The following NCKAP5 variants were observed in gnomAD, a reference collection of about 807,000 sequenced individuals.
NCKAP5 encodes nck-associated protein 5.
Under a neutral mutation model 167.0 loss-of-function variants are expected in NCKAP5, and 92 were observed. The observed-to-expected ratio is 0.55, with a 90% CI of 0.47 to 0.66. NCKAP5 has a LOEUF of 0.66. Among genes scored for constraint, NCKAP5 ranks in the 30% least tolerant of loss-of-function variants. NCKAP5 has a pLI of 0.00. For missense variants in NCKAP5, 2,378 were observed against 2,315.0 expected (o/e 1.03, Z -0.56); for synonymous variants, 891 against 877.4 (o/e 1.02, Z -0.27).
chr2:132,969,061 GGA>G (rs1174976138), intron 7 of NCKAP5, among the ~76,000 whole-genome samples: 1 of 152,060 alleles, frequency 6.6e-6, no homozygotes, highest in East Asian at 1.9e-4. Context: ...ATTTTGAGAT[GGA>G]GTCTCCCTCT....
chr2:132,856,945 A>G (rs1689520448), intron 11 of NCKAP5, among the ~76,000 whole-genome samples: 1 of 152,222 alleles, frequency 6.6e-6, no homozygotes, highest in Non-Finnish European at 1.5e-5. Flanking sequence ...TACCTGCTAC[A>G]GGACTTAGCC....
At chr2:132,843,362 T>C (rs1470962422) in intron 11 of NCKAP5, among the ~76,000 whole-genome samples, 1 of 152,158 alleles carries the variant, frequency 6.6e-6, no homozygotes, top group East Asian at 1.9e-4. Context: ...GCTTTGTATG[T>C]TTAACTGCTT....
rs1310820556 is a variant in NCKAP5 at position 132,799,490 on chromosome 2, A to G, written c.808-2761T>C. ...GTAAGTGTAAATTTTCAGAAAAAAG[A>G]AAGACAGAAGTGGCTATTTAATCTA... On this transcript the variant is annotated intron_variant, in intron 11 of 19. Coordinates refer to ENST00000409261, the MANE Select transcript of NCKAP5 (RefSeq NM_207363.3). Among the ~76,000 whole-genome samples the G allele has an allele frequency of 2.6e-5, 4 of 152,220 alleles. No homozygotes were observed. In the South Asian group the frequency reaches 8.3e-4, roughly 31 times the overall value.
chr2:133,366,068 G>A (rs1685438914), intron 3 of NCKAP5, among the ~76,000 whole-genome samples: 1 of 152,146 alleles, frequency 6.6e-6, no homozygotes, highest in Non-Finnish European at 1.5e-5. Flanking sequence ...GGGAAAAATT[G>A]ATGGTTTGTC....
rs183241013 is a variant in NCKAP5 at position 133,168,154 on chromosome 2, A to C, written c.208-38043T>G. On this transcript the variant is annotated intron_variant, in intron 5 of 19. Coordinates refer to ENST00000409261, the MANE Select transcript of NCKAP5 (RefSeq NM_207363.3). ...GGAATGTGTTCAAAGTCACAATGCC[A>C]GAGCTGGGATTCCAACTCAGACAGC... Among the ~76,000 whole-genome samples the C allele has an allele frequency of 2.8e-3, 427 of 152,328 alleles. 3 individuals are homozygous for C. Among genetic ancestry groups the C allele is most frequent in the Non-Finnish European group, 3.5e-3 (240 of 68,024 alleles).
chr2:133,005,728 C>T (rs900398594), intron 6 of NCKAP5, among the ~76,000 whole-genome samples: 3 of 152,156 alleles, frequency 2.0e-5, no homozygotes, highest in Non-Finnish European at 4.4e-5. Context: ...TTGAAGACAA[C>T]AGATGGCTGA....
chr2:133,388,276 T>C (rs1687142290), intron 3 of NCKAP5, among the ~76,000 whole-genome samples: 4 of 152,246 alleles, frequency 2.6e-5, no homozygotes, highest in Admixed American at 2.0e-4. Flanking sequence ...GACCCTCAGC[T>C]GCAGGTCTGT....
intron 3 of NCKAP5, among the ~76,000 whole-genome samples, chr2:133,331,011 ATTC>A (rs1480667866): frequency 4.6e-5 from 7 of 152,338 alleles, no homozygotes; most frequent in East Asian, 1.9e-4. Context: ...TGCTATTATT[ATTC>A]TTATTTCACA....
At chr2:133,340,338 G>A (rs1683489477) in intron 3 of NCKAP5, among the ~76,000 whole-genome samples, 1 of 152,160 alleles carries the variant, frequency 6.6e-6, no homozygotes, top group South Asian at 2.1e-4. Context: ...AGAATGTGCA[G>A]AGAACTAATC....
chr2:132,741,812 T>C (rs1484581962), intron 16 of NCKAP5, among the ~76,000 whole-genome samples: 1 of 152,140 alleles, frequency 6.6e-6, no homozygotes, highest in Non-Finnish European at 1.5e-5. Context: ...ACTGTTATCC[T>C]TGCCCATTCT....
intron 6 of NCKAP5, among the ~76,000 whole-genome samples, chr2:133,073,929 T>C (rs1573950069): frequency 6.6e-6 from 1 of 152,188 alleles, no homozygotes; most frequent in Admixed American, 6.5e-5. Context: ...CTGAGGCAAA[T>C]GGCTGCAACT....
In NCKAP5 at chr2:133,300,428, C is replaced by G. The variant is rs1190780577; in HGVS notation, c.143+2609G>C. ...AGCAGCACATCAAAAAGCTTATCCACCATGATCAAGTGGGCTTCATCCCTG... is the reference window on the plus strand; with the variant it reads ...AGCAGCACATCAAAAAGCTTATCCAGCATGATCAAGTGGGCTTCATCCCTG... On this transcript the variant is annotated intron_variant, in intron 4 of 19. Coordinates refer to ENST00000409261, the MANE Select transcript of NCKAP5 (RefSeq NM_207363.3). Among the ~76,000 whole-genome samples, 4 of 107,350 alleles carry G rather than the reference C, an allele frequency of 3.7e-5. 1 individual carries two copies. Among genetic ancestry groups the G allele is most frequent in the Admixed American group, 2.6e-4 (3 of 11,384 alleles). The allele number at this position is 107,350 out of a possible 152,430, so 70.4% of individuals were successfully genotyped here. A position where few individuals can be genotyped will look rare whatever the true frequency, so the allele number is the denominator to read the frequency against.
chr2:132,849,100 G>A (rs1433051086), intron 11 of NCKAP5, among the ~76,000 whole-genome samples: 2 of 150,714 alleles, frequency 1.3e-5, no homozygotes, highest in Admixed American at 6.7e-5. Context: ...TGTAATTAAG[G>A]GATTAATTTC....
intron 16 of NCKAP5, among the ~76,000 whole-genome samples, chr2:132,737,475 A>G (rs1254682012): frequency 2.0e-5 from 3 of 152,206 alleles, no homozygotes; most frequent in South Asian, 4.1e-4. Context: ...TCAGAGGGAC[A>G]TAAGCAGCCA....
intron 3 of NCKAP5, among the ~76,000 whole-genome samples, chr2:133,413,801 A>G (rs1295231346): frequency 6.6e-6 from 1 of 152,162 alleles, no homozygotes; most frequent in Admixed American, 6.5e-5. Context: ...AGGCATTACA[A>G]TCTTCATTTT....
At chr2:133,418,568 A>G (rs1444781022) in intron 3 of NCKAP5, among the ~76,000 whole-genome samples, 2 of 152,216 alleles carry the variant, frequency 1.3e-5, no homozygotes, top group African/African-American at 4.8e-5. Context: ...GGAGGATTCA[A>G]GAACAGAGTT....
chr2:132,894,196 A>G (rs1692953144), intron 8 of NCKAP5, among the ~76,000 whole-genome samples: 1 of 152,250 alleles, frequency 6.6e-6, no homozygotes, highest in African/African-American at 2.4e-5. Context: ...TTCAAGGATG[A>G]CCTACTCCTG....
chr2:133,523,929 A>G (rs1443196067), intron 2 of NCKAP5, among the ~76,000 whole-genome samples: 1 of 152,188 alleles, frequency 6.6e-6, no homozygotes, highest in Non-Finnish European at 1.5e-5. Context: ...GTTAAAAAAC[A>G]TATCAATGCC....
At chr2:133,142,700 G>A (rs937946376) in intron 5 of NCKAP5, among the ~76,000 whole-genome samples, 1 of 152,118 alleles carries the variant, frequency 6.6e-6, no homozygotes, top group Admixed American at 6.6e-5. Context: ...ACCTGGAAGG[G>A]TGCTTGAGGT....
Sources: allele counts gnomAD v4.1 joint callset (sites outside exome capture counted in the v4.1 genomes callset), GRCh38; gene constraint gnomAD v4.1.1; transcripts MANE v1.5; gene names NCBI Gene and HGNC (gene_info 2026-07-23, HGNC 2026-07-21).